Variants in NAPG observed in about 807,000 individuals in gnomAD.
NAPG encodes gamma-soluble NSF attachment protein.
A neutral mutation model predicts 48.4 loss-of-function variants in NAPG; 25 were observed. The observed-to-expected ratio is 0.52, with a 90% CI of 0.38 to 0.72. The LOEUF is 0.72. NAPG is among the 30% of genes least tolerant of loss of function. NAPG has a pLI of 0.00. For missense variants in NAPG, 359 were observed against 372.5 expected (o/e 0.96, Z 0.30); for synonymous variants, 139 against 127.2 (o/e 1.09, Z -0.62).
intron 9 of NAPG, among the ~76,000 whole-genome samples, chr18:10,547,025 G>C (rs531796115): frequency 6.6e-6 from 1 of 152,184 alleles, no homozygotes; most frequent in Non-Finnish European, 1.5e-5. Context: ...AGCTGGAAAC[G>C]GAGTCCCCTG....
intron 2 of NAPG, 96 bp downstream of exon 2, chr18:10,530,933 A>T: frequency 1.1e-6 from 1 of 922,602 alleles, no homozygotes; most frequent in Non-Finnish European, 1.5e-6. Flanking sequence ...GCTTTCTATA[A>T]GGCTTTAATA....
At chr18:10,540,211 C>T (rs1334813363) in intron 7 of NAPG, 118 bp from the exon 8 acceptor site, 6 of 1,051,832 alleles carry the variant, frequency 5.7e-6, no homozygotes, top group African/African-American at 1.6e-5. Context: ...AATGAACTAG[C>T]AGCTTTCGTG....
Position 10,532,878 on chromosome 18 carries a change from C to T in NAPG, c.209+83C>T, listed in dbSNP as rs538443909. 140 of 1,137,972 alleles carry T rather than the reference C, an allele frequency of 1.2e-4. 3 individuals carry two copies. In the South Asian group the frequency reaches 1.9e-3, roughly 16 times the overall value. 70.5% of individuals were successfully genotyped at this position (1,137,972 alleles called of 1,614,324 possible). A position where few individuals can be genotyped will look rare whatever the true frequency, so the allele number is the denominator to read the frequency against. ...TTTCTCTTGCTGTAAATTTACTTTA[C>T]TACCTGTGAAGTAAAATGTTTTTAA... On this transcript the variant is annotated intron_variant, in intron 3 of 11. Transcript: ENST00000322897.
At chr18:10,536,282 C>T in intron 5 of NAPG, among the ~76,000 whole-genome samples, 1 of 152,176 alleles carries the variant, frequency 6.6e-6, no homozygotes, top group East Asian at 1.9e-4. Flanking sequence ...AATTAAATGC[C>T]TTTGGACACT....
Position 10,539,624 on chromosome 18 carries a change from A to G in NAPG, c.259-138A>G, listed in dbSNP as rs2032105254. The G allele has an allele frequency of 2.9e-6, 2 of 690,734 alleles. No homozygotes were observed. The highest frequency in any genetic ancestry group is 2.5e-6 in the Non-Finnish European group (1 of 399,426). 42.8% of individuals were successfully genotyped at this position (690,734 alleles called of 1,614,324 possible). On this transcript the variant is annotated intron_variant, in intron 5 of 11. Coordinates refer to ENST00000322897, the MANE Select transcript of NAPG (RefSeq NM_003826.3). This position sits in a 1 kb window ranked among gnomAD's most constrained non-coding sequence, Gnocchi z 4.7. ...TAGCAAACCACCATGGGACATGTAT[A>G]CCTATGTAACAAACCTGCACATTCT...
Position 10,526,039 on chromosome 18 carries a change from A to C in NAPG, c.-64A>C. ...GGCGTTCCCACGCCTATTTGGGCGG[A>C]TTCTTGGCGCCGGAGGAAGAGGCAG... On this transcript the variant is annotated 5_prime_UTR_variant, in exon 1 of 12. Coordinates refer to ENST00000322897, the MANE Select transcript of NAPG (RefSeq NM_003826.3). 3 of 1,523,916 alleles carry C rather than the reference A, an allele frequency of 2.0e-6. No homozygotes were observed. The highest frequency in any genetic ancestry group is 2.7e-6 in the Non-Finnish European group (3 of 1,100,176). 94.4% of individuals were successfully genotyped at this position (1,523,916 alleles called of 1,614,324 possible). A position where few individuals can be genotyped will look rare whatever the true frequency, so the allele number is the denominator to read the frequency against.
In NAPG at chr18:10,551,422, A is replaced by T. The variant is rs1186408499; in HGVS notation, c.*1202A>T. The T allele has an allele frequency of 6.6e-6, 1 of 152,246 alleles. No individual in the cohort carries two copies. The highest frequency in any genetic ancestry group is 1.5e-5 in the Non-Finnish European group (1 of 68,044). 9.4% of individuals were successfully genotyped at this position (152,246 alleles called of 1,614,324 possible). A position where few individuals can be genotyped will look rare whatever the true frequency, so the allele number is the denominator to read the frequency against. ...TTAGCTGAAAGGGAAGAATTGTTTT[A>T]GAAAGACAATATTTAAAACACCGCA... On this transcript the variant is annotated 3_prime_UTR_variant, in exon 12 of 12. Coordinates refer to ENST00000322897, the MANE Select transcript of NAPG (RefSeq NM_003826.3).
intron 9 of NAPG, among the ~76,000 whole-genome samples, chr18:10,547,599 A>G (rs895896051): frequency 1.3e-5 from 2 of 152,224 alleles, no homozygotes; most frequent in African/African-American, 4.8e-5. Context: ...TGGGAATTTT[A>G]GGACTGGCAA....
chr18:10,549,198 C>G (rs2032333134), intron 11 of NAPG, 102 bp downstream of exon 11: 1 of 1,351,594 alleles, frequency 7.4e-7, no homozygotes, highest in African/African-American at 1.5e-5. Context: ...TTTTTCCTAC[C>G]TCTTTTTTTC....
chr18:10,536,402 G>A (rs1185771319), intron 5 of NAPG, among the ~76,000 whole-genome samples: 1 of 152,178 alleles, frequency 6.6e-6, no homozygotes, highest in Non-Finnish European at 1.5e-5. Context: ...GGCTTGGGGA[G>A]TGCCATTTTG....
rs1236685826 is a variant in NAPG, at chr18:10,543,745, G to T, written c.507-2581G>T. ...CTTTTTTCAGCAAAACCAAATTCTT[G>T]TCATTTTGTTAGGAATATTAAGTAT... On this transcript the variant is annotated intron_variant, in intron 8 of 11. Coordinates refer to ENST00000322897, the MANE Select transcript of NAPG (RefSeq NM_003826.3). The surrounding 1 kb of genome is among the most constrained non-coding windows in gnomAD (Gnocchi z 4.4). Among the ~76,000 whole-genome samples, 1 of 152,158 alleles carries T rather than the reference G, an allele frequency of 6.6e-6. No individual in the cohort carries two copies. The highest frequency in any genetic ancestry group is 6.5e-5 in the Admixed American group (1 of 15,280).
In NAPG at chr18:10,548,976, G is replaced by T; in HGVS notation, c.675G>T (p.Gly225=). ...TTTGTGCTTACTGCAGCATCCCTGG[G>T]TTCAATGGCAGTGAAGACTGTGCTG... is the stretch of plus-strand genomic sequence containing the variant. The part of the protein sequence containing the change: ...RCVRESYSIP[G]FNGSEDCAAL... Residue 225 remains glycine (G), a synonymous_variant, in exon 11 of 12, where the codon GGG becomes GGT. Transcript: ENST00000322897. This position sits in a 1 kb window ranked among gnomAD's most constrained non-coding sequence, Gnocchi z 4.4. 6.2e-7 allele frequency: 1 copy of T among 1,613,514 alleles called. No individual in the cohort carries two copies. Among genetic ancestry groups the T allele is most frequent in the Non-Finnish European group, 8.5e-7 (1 of 1,179,646 alleles).
Position 10,540,349 on chromosome 18 carries a change from G to A in NAPG, c.456G>A (p.Gln152=). 1 of 1,613,744 alleles carries A rather than the reference G, an allele frequency of 6.2e-7. No individual in the cohort carries two copies. The highest frequency in any genetic ancestry group is 8.5e-7 in the Non-Finnish European group (1 of 1,179,762). ...NVFENEERLR[Q]AVELLGKASR... is the part of the protein sequence containing the mutation. ...TTCAGAATGAAGAACGCTTACGACAGGCAGTTGAATTACTAGGAAAAGCCT... is the reference window on the plus strand; with the variant it reads ...TTCAGAATGAAGAACGCTTACGACAAGCAGTTGAATTACTAGGAAAAGCCT... Residue 152 remains glutamine, a synonymous_variant, in exon 8 of 12, where the codon CAG becomes CAA. Transcript: ENST00000322897.
chr18:10,539,499 C>G lies in NAPG; in HGVS notation c.259-263C>G, dbSNP rs1213495361. 5.4e-6 allele frequency: 2 copies of G among 373,308 alleles called. No individual in the cohort carries two copies. Among genetic ancestry groups the G allele is most frequent in the African/African-American group, 2.1e-5 (1 of 48,266 alleles). The allele number at this position is 373,308 out of a possible 1,614,324, so 23.1% of individuals were successfully genotyped here. ...GACACAGGGAGGGGAACATCACACT[C>G]CTGGGCCTGTCGGGGGCTGGGGAAT... On this transcript the variant is annotated intron_variant, in intron 5 of 11. Transcript: ENST00000322897. The surrounding 1 kb of genome is among the most constrained non-coding windows in gnomAD (Gnocchi z 4.7).
Position 10,550,153 on chromosome 18 carries a change from A to G in NAPG, c.872A>G (p.Lys291Arg), listed in dbSNP as rs2032357961. The change falls in exon 12 of 12, where the codon AAG becomes AGG. Residue 291 changes from lysine (K) to arginine (R), a missense_variant. Physicochemically the swap from Lys to Arg is conservative, Grantham distance 26 (BLOSUM62 2). Coordinates refer to ENST00000322897, the MANE Select transcript of NAPG (RefSeq NM_003826.3). ...KKKSPATPQA[K>R]PDGVTATAAD... is the part of the protein sequence containing the mutation. ...AAATCACCTGCAACACCACAGGCCAAGCCTGATGGTGTCACTGCCACGGCT... is the reference window on the plus strand; with the variant it reads ...AAATCACCTGCAACACCACAGGCCAGGCCTGATGGTGTCACTGCCACGGCT... 6.3e-7 allele frequency: 1 copy of G among 1,588,282 alleles called. No individual in the cohort carries two copies. Among genetic ancestry groups the G allele is most frequent in the East Asian group, 2.4e-5 (1 of 42,148 alleles).
chr18:10,536,484 G>A (rs779083595), intron 5 of NAPG, among the ~76,000 whole-genome samples: 1 of 152,182 alleles, frequency 6.6e-6, no homozygotes, highest in Non-Finnish European at 1.5e-5. Flanking sequence ...GATGACTGCT[G>A]TGATTTCATA....
At position 10,539,766 on chromosome 18, in the gene NAPG, T is replaced by C. The variant is rs756066810; in HGVS notation, c.263T>C (p.Met88Thr). ...YEQAGMMLKE[M>T]QKLPEAVQLI... ...TACTGTATCCTTTGCCCAAAGGAGA[T>C]GCAGAAACTACCAGAGGCCGTTCAG... The change falls in exon 6 of 12, where the codon ATG becomes ACG. Residue 88 changes from methionine (M) to threonine (T), a missense_variant. Met to Thr is a moderately conservative substitution (Grantham distance 81, BLOSUM62 -1). Transcript: ENST00000322897. This position sits in a 1 kb window ranked among gnomAD's most constrained non-coding sequence, Gnocchi z 4.7. 1 of 1,613,934 alleles carries C rather than the reference T, an allele frequency of 6.2e-7. No individual in the cohort carries two copies. The highest frequency in any genetic ancestry group is 1.7e-4 in the Middle Eastern group (1 of 6,060).
At chr18:10,535,006 A>G (rs2032003396) in intron 5 of NAPG, among the ~76,000 whole-genome samples, 1 of 152,254 alleles carries the variant, frequency 6.6e-6, no homozygotes, top group South Asian at 2.1e-4. Context: ...CTGCTCCTCA[A>G]AAGCAGGCCA....
intron 3 of NAPG, chr18:10,533,007 T>A: frequency 2.2e-6 from 1 of 448,654 alleles, no homozygotes; most frequent in Non-Finnish European, 4.0e-6. Flanking sequence ...CTACAATACT[T>A]ACTTTCTATT....
Sources: gnomAD v4.1 joint callset for allele counts (sites outside exome capture counted in the v4.1 genomes callset) on GRCh38, gnomAD v4.1.1 for gene constraint, Gnocchi (gnomAD v3.1) non-coding constraint, MANE v1.5 for transcripts, NCBI Gene and HGNC (gene_info 2026-07-23, HGNC 2026-07-21) for gene names.